The following PARD3 variants were observed in gnomAD, a reference collection of about 807,000 sequenced individuals.
PARD3 encodes the protein partitioning defective 3 homolog.
PARD3 carries 75 observed loss-of-function variants against 155.4 expected under a neutral mutation model. The ratio of observed to expected loss-of-function variants is 0.48; its 90% CI spans 0.40 to 0.58. The LOEUF is 0.58. Ranked by LOEUF, PARD3 falls within the 20% of genes least tolerant of loss-of-function variation. PARD3 has a pLI of 0.00. For missense variants in PARD3, 1,642 were observed against 1,721.7 expected, an observed-to-expected ratio of 0.95 and a Z score of 0.82; for synonymous variants, 576 against 610.5, an observed-to-expected ratio of 0.94 and a Z score of 0.83.
chr10:34,802,475 T>A (rs1005018620), intron 1 of PARD3, among the ~76,000 whole-genome samples: 1 of 152,174 alleles, frequency 6.6e-6, no homozygotes, highest in Non-Finnish European at 1.5e-5. Context: ...CTACAGTGAA[T>A]AACTTAATCT....
intron 1 of PARD3, among the ~76,000 whole-genome samples, chr10:34,724,513 C>T (rs1424835418): frequency 6.6e-6 from 1 of 152,118 alleles, no homozygotes; most frequent in African/African-American, 2.4e-5. Context: ...TAAGAGGCTG[C>T]CCTGTTCTAA....
chr10:34,673,419 G>A (rs987489625), intron 2 of PARD3, among the ~76,000 whole-genome samples: 12 of 152,082 alleles, frequency 7.9e-5, no homozygotes, highest in African/African-American at 2.7e-4. Flanking sequence ...AGCTATCCTC[G>A]AAAATATGAA....
At chr10:34,207,591 G>A (rs2133378109) in intron 22 of PARD3, among the ~76,000 whole-genome samples, 1 of 152,226 alleles carries the variant, frequency 6.6e-6, no homozygotes, top group African/African-American at 2.4e-5. Flanking sequence ...ACACAAATAA[G>A]GCACAGAATC....
At chr10:34,560,374 G>A (rs981838788) in intron 2 of PARD3, among the ~76,000 whole-genome samples, 1 of 152,022 alleles carries the variant, frequency 6.6e-6, no homozygotes, top group African/African-American at 2.4e-5. Flanking sequence ...ATAGATACTT[G>A]TCTAAGCAGA....
chr10:34,595,059 A>G (rs1254504135), intron 2 of PARD3, among the ~76,000 whole-genome samples: 1 of 152,226 alleles, frequency 6.6e-6, no homozygotes, highest in African/African-American at 2.4e-5. Flanking sequence ...GTCTTAATTT[A>G]CTTGCCAAAC....
intron 22 of PARD3, among the ~76,000 whole-genome samples, chr10:34,232,408 G>A (rs1249511602): frequency 1.3e-5 from 2 of 152,232 alleles, no homozygotes; most frequent in East Asian, 3.9e-4. Flanking sequence ...AGGAAACCTG[G>A]TAAAACACGG....
chr10:34,764,798 C>T (rs1837877972), intron 1 of PARD3, among the ~76,000 whole-genome samples: 2 of 152,156 alleles, frequency 1.3e-5, no homozygotes, highest in Admixed American at 6.6e-5. Context: ...GGCTCTGAAC[C>T]ACCTTTTCTG....
intron 17 of PARD3, among the ~76,000 whole-genome samples, chr10:34,336,538 T>G (rs1836209175): frequency 6.6e-6 from 1 of 152,148 alleles, no homozygotes; most frequent in Admixed American, 6.5e-5. Flanking sequence ...AAATTAATGC[T>G]TTTAGTCTTG....
chr10:34,372,451 T>C (rs779424019), intron 12 of PARD3, 47 bp downstream of exon 12: 9 of 1,410,058 alleles, frequency 6.4e-6, no homozygotes, highest in East Asian at 4.6e-5. Flanking sequence ...GTTAGTTCCA[T>C]GTATCTTTCC....
At chr10:34,683,532 C>A (rs1168736070) in intron 2 of PARD3, among the ~76,000 whole-genome samples, 1 of 149,118 alleles carries the variant, frequency 6.7e-6, no homozygotes, top group Non-Finnish European at 1.5e-5. Context: ...CCACAGCCCA[C>A]CATACGAGAT....
rs1032003525 is a variant in PARD3, at chr10:34,155,309, C to T, written c.3420-23726G>A. Among the ~76,000 whole-genome samples, 7 of 152,338 alleles carry T rather than the reference C, an allele frequency of 4.6e-5. No individual in the cohort carries two copies. The East Asian group carries it at 1.3e-3, about 29-fold the overall frequency. ...ATCGAACACATCTATGCAGCCTCGACGCTCTTCTAAAACCCCACCAAAATG... is the reference window on the plus strand; with the variant it reads ...ATCGAACACATCTATGCAGCCTCGATGCTCTTCTAAAACCCCACCAAAATG... On this transcript the variant is annotated intron_variant, in intron 22 of 24. Transcript: ENST00000374788.
At chr10:34,615,723 G>C (rs537436079) in intron 2 of PARD3, among the ~76,000 whole-genome samples, 3 of 152,000 alleles carry the variant, frequency 2.0e-5, no homozygotes, top group Non-Finnish European at 2.9e-5. Context: ...TAAAATATAC[G>C]ATATATAAGA....
chr10:34,483,507 A>G (rs1404296955), intron 3 of PARD3, among the ~76,000 whole-genome samples: 3 of 130,898 alleles, frequency 2.3e-5, no homozygotes, highest in South Asian at 2.2e-4. Context: ...AAAGAGAGAG[A>G]AAAAAAAACA....
rs772063832 is a variant in PARD3 at position 34,401,818 on chromosome 10, T to A, written c.806+8A>T. 3 of 1,584,788 alleles carry A rather than the reference T, an allele frequency of 1.9e-6. No homozygotes were observed. The South Asian group carries it at 3.3e-5, about 18-fold the overall frequency. On this transcript the variant is annotated splice_region_variant and intron_variant, in intron 6 of 24. Transcript: ENST00000374788. ...CTGCAAACTTAGTTGAAACCATCAG[T>A]AACTTACTCCAGAGAAAAGTTGGGT...
At chr10:34,254,103 C>T (rs1047665818) in intron 22 of PARD3, among the ~76,000 whole-genome samples, 17 of 152,120 alleles carry the variant, frequency 1.1e-4, no homozygotes, top group African/African-American at 3.4e-4. Flanking sequence ...ATTTTAAGGC[C>T]GGGAGTGGTG....
In PARD3 at chr10:34,450,417, T is replaced by A; in HGVS notation, c.614A>T (p.Asp205Val). 1 of 1,613,728 alleles carries A rather than the reference T, an allele frequency of 6.2e-7. No individual in the cohort carries two copies. Among genetic ancestry groups the A allele is most frequent in the Middle Eastern group, 1.7e-4 (1 of 5,980 alleles). The change falls in exon 5 of 25, where the codon GAT (aspartate) becomes GTT (valine). Residue 205 changes from aspartate (D) to valine (V), a missense_variant. Physicochemically the swap from Asp to Val is radical, Grantham distance 152. Coordinates refer to ENST00000374788, the MANE Select transcript of PARD3 (RefSeq NM_001184785.2). ...AAATTGGTTAGACCAGTTACTAGTA[T>A]CCCGCGGGAGGCTTCTGTAGTTTTC... ...KDENYRSLPR[D>V]TSNWSNQFQR...
intron 2 of PARD3, among the ~76,000 whole-genome samples, chr10:34,619,077 G>A (rs371935892): frequency 2.7e-5 from 4 of 146,670 alleles, no homozygotes; most frequent in African/African-American, 7.7e-5. Context: ...TTGAGACAGA[G>A]TCTCAGTCTG....
intron 2 of PARD3, among the ~76,000 whole-genome samples, chr10:34,623,823 T>C (rs2091834531): frequency 1.3e-5 from 2 of 149,754 alleles, no homozygotes; most frequent in African/African-American, 4.8e-5. Context: ...CTACTAAAAA[T>C]ACAAAAAATT....
At chr10:34,252,205 T>C (rs1297259982) in intron 22 of PARD3, among the ~76,000 whole-genome samples, 11 of 152,142 alleles carry the variant, frequency 7.2e-5, no homozygotes, top group African/African-American at 2.7e-4. Flanking sequence ...GCTGCCTGCC[T>C]GCCCCCAGCT....
Sources: allele counts gnomAD v4.1 joint callset (sites outside exome capture counted in the v4.1 genomes callset), GRCh38; gene constraint gnomAD v4.1.1; transcripts MANE v1.5; gene names NCBI Gene and HGNC (gene_info 2026-07-23, HGNC 2026-07-21).